WDFY4: variants seen among roughly 807,000 people sequenced by gnomAD.
WDFY4 encodes WDFY family member 4.
WDFY4 carries 169 observed loss-of-function variants against 351.9 expected under a neutral mutation model. The observed-to-expected ratio is 0.48, with a 90% CI of 0.42 to 0.55. The LOEUF is 0.55. WDFY4 is among the 20% of genes least tolerant of loss of function. WDFY4 has a pLI of 0.00. For synonymous variants in WDFY4, 1,622 were observed against 1,574.6 expected (o/e 1.03, Z -0.71); for missense variants, 3,803 against 3,935.6 (o/e 0.97, Z 0.90).
intron 30 of WDFY4, 141 bp from the exon 31 acceptor site, chr10:48,813,816 A>G (rs183154887): frequency 6.9e-6 from 7 of 1,020,392 alleles, no homozygotes; most frequent in Admixed American, 3.4e-5. Context: ...AATTGTTCCT[A>G]TGGATCAACC....
At chr10:48,963,721 A>C in intron 53 of WDFY4, 121 bp from the exon 54 acceptor site, 1 of 1,131,044 alleles carries the variant, frequency 8.8e-7, no homozygotes, top group Non-Finnish European at 1.3e-6. Flanking sequence ...CCAGGGGCTC[A>C]TCAATTATCT....
At chr10:48,957,968 G>A (rs1180373048) in intron 52 of WDFY4, among the ~76,000 whole-genome samples, 2 of 152,242 alleles carry the variant, frequency 1.3e-5, no homozygotes, top group African/African-American at 4.8e-5. Context: ...AGCCTGGGCA[G>A]GTCACCGGCC....
chr10:48,821,279 T>A, intron 34 of WDFY4, 103 bp downstream of exon 34: 2 of 886,970 alleles, frequency 2.3e-6, no homozygotes, highest in African/African-American at 3.3e-5. Flanking sequence ...TGTGGGATGC[T>A]GCCTCCACCT....
At chr10:48,864,020 C>G (rs2069444255) in intron 39 of WDFY4, among the ~76,000 whole-genome samples, 1 of 152,116 alleles carries the variant, frequency 6.6e-6, no homozygotes, top group African/African-American at 2.4e-5. Context: ...CCTGGTCTCC[C>G]CCTTGACACG....
intron 61 of WDFY4, 56 bp downstream of exon 61, chr10:48,981,534 A>G: frequency 6.6e-7 from 1 of 1,518,108 alleles, no homozygotes; most frequent in Non-Finnish European, 8.9e-7. Flanking sequence ...AGCCACCTTT[A>G]GGAAAGCCCC....
Position 48,862,383 on chromosome 10 carries a change from A to G in WDFY4, c.6664-4882A>G, listed in dbSNP as rs189647058. Among the ~76,000 whole-genome samples the G allele has an allele frequency of 3.1e-3, 465 of 152,312 alleles. 9 individuals carry two copies. The highest frequency in any genetic ancestry group is 6.2e-4 in the South Asian group (3 of 4,830). Reference sequence around the variant, plus strand: ...CCAACCCCCAGGCCATGGACCCGGTATCTGAGCCCTGCCTCCTGTCAGATC... The same window carrying G: ...CCAACCCCCAGGCCATGGACCCGGTGTCTGAGCCCTGCCTCCTGTCAGATC... On this transcript the variant is annotated intron_variant, in intron 39 of 61. Transcript: ENST00000325239.
intron 43 of WDFY4, among the ~76,000 whole-genome samples, chr10:48,888,745 C>A (rs2070571933): frequency 6.6e-6 from 1 of 152,196 alleles, no homozygotes; most frequent in African/African-American, 2.4e-5. Flanking sequence ...TTGAAATGTT[C>A]TTCTCCAAGC....
intron 39 of WDFY4, among the ~76,000 whole-genome samples, chr10:48,861,570 A>G (rs1016340052): frequency 2.6e-5 from 4 of 152,152 alleles, no homozygotes; most frequent in Non-Finnish European, 4.4e-5. Context: ...TGTTAATTAA[A>G]TACTTTCCCC....
chr10:48,760,479 A>G lies in WDFY4; in HGVS notation c.2553+39A>G, dbSNP rs867843448. The G allele has an allele frequency of 3.3e-6, 5 of 1,538,172 alleles. No individual in the cohort carries two copies. In the Admixed American group the frequency reaches 5.9e-5, roughly 18 times the overall value. Reference sequence around the variant, plus strand: ...AATATGTGTGTTTTGTCATCTTCACATGACTGATCTCTCAAATGCCTTCTG... The same window carrying G: ...AATATGTGTGTTTTGTCATCTTCACGTGACTGATCTCTCAAATGCCTTCTG... On this transcript the variant is annotated intron_variant, in intron 13 of 61. Coordinates refer to ENST00000325239, the MANE Select transcript of WDFY4 (RefSeq NM_001394531.1).
At position 48,820,435 on chromosome 10, in the gene WDFY4, G is replaced by A. The variant is rs2067780081; in HGVS notation, c.5707G>A (p.Glu1903Lys). ...GTGGCTGCCCCTGGAGGTGCTCCTG[G>A]AGGTGGGTTGGAAAAGGTGACATTG... ...KQWLPLEVLL[E>K]ASPDHATSQQ... is the part of the protein sequence containing the mutation. The change falls in exon 33 of 62, where the codon GAG becomes AAG. Residue 1903 changes from glutamate (E) to lysine (K), a missense_variant and splice_region_variant. Glu to Lys is a moderately conservative substitution (Grantham distance 56, BLOSUM62 1). This residue lies in a region of WDFY4 where 3,054 missense variants were observed against 3,148.6 expected (regional missense o/e 0.97). Coordinates refer to ENST00000325239, the MANE Select transcript of WDFY4 (RefSeq NM_001394531.1). The A allele has an allele frequency of 4.5e-6, 7 of 1,550,884 alleles. No individual in the cohort carries two copies. Among genetic ancestry groups the A allele is most frequent in the Non-Finnish European group, 6.1e-6 (7 of 1,146,546 alleles).
chr10:48,954,335 C>T (rs2133812417), intron 51 of WDFY4, among the ~76,000 whole-genome samples: 1 of 152,284 alleles, frequency 6.6e-6, no homozygotes, highest in South Asian at 2.1e-4. Context: ...GAAATTGTTC[C>T]TTTGTTGGCA....
At chr10:48,878,292 C>G (rs1470233535) in intron 43 of WDFY4, among the ~76,000 whole-genome samples, 1 of 152,118 alleles carries the variant, frequency 6.6e-6, no homozygotes, top group African/African-American at 2.4e-5. Context: ...GAGATAAATG[C>G]ACGAGAGCTG....
chr10:48,765,403 A>G (rs142475585), intron 13 of WDFY4, among the ~76,000 whole-genome samples: 19 of 152,314 alleles, frequency 1.2e-4, no homozygotes, highest in Non-Finnish European at 2.5e-4. Flanking sequence ...GTGTGGGGAT[A>G]ATGTCATCTT....
At chr10:48,918,748 AG>A (rs34001978) in intron 47 of WDFY4, among the ~76,000 whole-genome samples, 51,075 of 152,096 alleles carry the variant, frequency 0.34, 9,081 homozygotes, top group Non-Finnish European at 0.39. Flanking sequence ...TGTTGTCAGC[AG>A]GGGGTAGGAT....
rs2066166277 is a variant in WDFY4, at chr10:48,780,016, C to CT, written c.3475dup (p.Cys1159LeufsTer13). The CT allele has an allele frequency of 6.4e-7, 1 of 1,551,836 alleles. No individual in the cohort carries two copies. Among genetic ancestry groups the CT allele is most frequent in the Non-Finnish European group, 8.7e-7 (1 of 1,147,032 alleles). On this transcript the variant is annotated frameshift_variant, in exon 19 of 62. Transcript: ENST00000325239. LOFTEE classifies it high-confidence loss of function. Reference sequence around the variant, plus strand: ...CAGGTCAGGTGTGGCCAGCTCCTGGCTTGTGGTCAGTGGCATCACTTGGCT... The same window carrying CT: ...CAGGTCAGGTGTGGCCAGCTCCTGGCTTTGTGGTCAGTGGCATCACTTGGCT...
At position 48,897,510 on chromosome 10, in the gene WDFY4, A is replaced by G; in HGVS notation, c.7373A>G (p.Tyr2458Cys). 6.4e-7 allele frequency: 1 copy of G among 1,551,454 alleles called. No homozygotes were observed. The highest frequency in any genetic ancestry group is 8.7e-7 in the Non-Finnish European group (1 of 1,147,010). ...LCSKDRSTDH[Y>C]SCQCHSYADM... ...AGCAAAGACAGGTCCACTGACCATT[A>G]CTCGTGCCAGTGCCACAGCTACGCT... The change falls in exon 45 of 62, where the codon TAC (tyrosine) becomes TGC (cysteine). Residue 2458 changes from tyrosine (Y) to cysteine (C), a missense_variant. Physicochemically the swap from Tyr to Cys is radical, Grantham distance 194. Coordinates refer to ENST00000325239, the MANE Select transcript of WDFY4 (RefSeq NM_001394531.1).
At chr10:48,927,284 C>A (rs542127519) in intron 47 of WDFY4, among the ~76,000 whole-genome samples, 1 of 152,248 alleles carries the variant, frequency 6.6e-6, no homozygotes, top group South Asian at 2.1e-4. Flanking sequence ...ACATCATGCC[C>A]GTGTCTTCAT....
intron 1 of WDFY4, among the ~76,000 whole-genome samples, chr10:48,701,954 A>G (rs1235627180): frequency 6.6e-6 from 1 of 152,224 alleles, no homozygotes; most frequent in Non-Finnish European, 1.5e-5. Flanking sequence ...CCAAGGGACT[A>G]AAATCCCCAC....
Position 48,890,569 on chromosome 10 carries a change from C to T in WDFY4, c.7168-10C>T, listed in dbSNP as rs971222107. On this transcript the variant is annotated splice_polypyrimidine_tract_variant and intron_variant, in intron 43 of 61. Coordinates refer to ENST00000325239, the MANE Select transcript of WDFY4 (RefSeq NM_001394531.1). Reference sequence around the variant, plus strand: ...GTGCACCACCTGACTCTGCCACTCTCTCCTTCCAGGTGACGCAGAAGTTCT... The same window carrying T: ...GTGCACCACCTGACTCTGCCACTCTTTCCTTCCAGGTGACGCAGAAGTTCT... 3 of 1,551,588 alleles carry T rather than the reference C, an allele frequency of 1.9e-6. No homozygotes were observed. Among genetic ancestry groups the T allele is most frequent in the African/African-American group, 1.4e-5 (1 of 73,052 alleles).
Sources: allele counts gnomAD v4.1 joint callset (sites outside exome capture counted in the v4.1 genomes callset), GRCh38; gene constraint gnomAD v4.1.1; regional missense constraint gnomAD v4.1.1; transcripts MANE v1.5; gene names NCBI Gene and HGNC (gene_info 2026-07-23, HGNC 2026-07-21).